RAPGEF6: variants seen among roughly 807,000 people sequenced by gnomAD.
The protein encoded by RAPGEF6 is PDZ domain containing guanine nucleotide exchange factor (GEF) 2.
A neutral mutation model predicts 171.4 loss-of-function variants in RAPGEF6; 56 were observed. That is an observed-to-expected ratio of 0.33 (90% CI 0.26 to 0.41). RAPGEF6 has a LOEUF of 0.41. Ranked by LOEUF, RAPGEF6 falls within the 10% of genes least tolerant of loss-of-function variation. RAPGEF6 has a pLI of 1.00. For synonymous variants in RAPGEF6, 692 were observed against 650.1 expected, an observed-to-expected ratio of 1.06 and a Z score of -0.98; for missense variants, 1,674 against 1,921.4, an observed-to-expected ratio of 0.87 and a Z score of 2.41.
At chr5:131,542,114 G>C (rs1391730186) in intron 6 of RAPGEF6, among the ~76,000 whole-genome samples, 1 of 152,146 alleles carries the variant, frequency 6.6e-6, no homozygotes, top group Non-Finnish European at 1.5e-5. Flanking sequence ...CTAACTTCAA[G>C]CTAACTTGGT....
At chr5:131,494,081 G>A (rs1319713735) in intron 13 of RAPGEF6, among the ~76,000 whole-genome samples, 2 of 152,152 alleles carry the variant, frequency 1.3e-5, no homozygotes, top group African/African-American at 2.4e-5. Context: ...TATGTCACAG[G>A]TTTTGTGTAC....
chr5:131,460,942 A>C (rs1382901468), intron 19 of RAPGEF6, among the ~76,000 whole-genome samples: 1 of 152,224 alleles, frequency 6.6e-6, no homozygotes, highest in Non-Finnish European at 1.5e-5. Flanking sequence ...GCGATTTATA[A>C]GCACATCATG....
At chr5:131,542,588 C>T (rs535853334) in intron 6 of RAPGEF6, among the ~76,000 whole-genome samples, 28 of 152,126 alleles carry the variant, frequency 1.8e-4, no homozygotes, top group Non-Finnish European at 3.2e-4. Flanking sequence ...TAAACAATTA[C>T]ACTGCAATAT....
chr5:131,452,569 T>C (rs889160749), intron 21 of RAPGEF6, among the ~76,000 whole-genome samples: 2 of 151,004 alleles, frequency 1.3e-5, no homozygotes, highest in South Asian at 4.2e-4. Flanking sequence ...CTTTACAAAT[T>C]AGCTTAGAAA....
At chr5:131,580,471 G>T (rs1390352436) in intron 4 of RAPGEF6, among the ~76,000 whole-genome samples, 1 of 152,114 alleles carries the variant, frequency 6.6e-6, no homozygotes, top group African/African-American at 2.4e-5. Context: ...CCAGCCCTGA[G>T]AGGGGCTCCC....
intron 6 of RAPGEF6, among the ~76,000 whole-genome samples, chr5:131,525,508 T>G (rs1457671046): frequency 6.6e-6 from 1 of 152,116 alleles, no homozygotes; most frequent in Non-Finnish European, 1.5e-5. Flanking sequence ...TAAGTTAAAG[T>G]CATGCTTAGA....
rs935799961 is a variant in RAPGEF6, at chr5:131,516,221, G to A, written c.627+5169C>T. Among the ~76,000 whole-genome samples the A allele has an allele frequency of 2.6e-5, 4 of 151,802 alleles. No homozygotes were observed. The East Asian group carries it at 7.8e-4, about 29-fold the overall frequency. On this transcript the variant is annotated intron_variant, in intron 7 of 27. Transcript: ENST00000509018. ...TCTTGCCTCAGCCTCCTGAGTAGCTGGTGCATGCGCCACCGCACGTGGCTA... is the reference window on the plus strand; with the variant it reads ...TCTTGCCTCAGCCTCCTGAGTAGCTAGTGCATGCGCCACCGCACGTGGCTA...
chr5:131,432,245 C>T (rs576178988), intron 25 of RAPGEF6, among the ~76,000 whole-genome samples: 1 of 152,160 alleles, frequency 6.6e-6, no homozygotes, highest in East Asian at 1.9e-4. Context: ...AGTTTGTAAA[C>T]CCCTCATTTA....
intron 16 of RAPGEF6, among the ~76,000 whole-genome samples, chr5:131,474,660 G>C (rs1561492909): frequency 6.6e-6 from 1 of 152,106 alleles, no homozygotes; most frequent in African/African-American, 2.4e-5. Flanking sequence ...ACTCTAAATT[G>C]ACTCCTTATA....
At chr5:131,489,413 AAGATTCTG>A in intron 15 of RAPGEF6, 125 bp downstream of exon 15, 1 of 624,682 alleles carries the variant, frequency 1.6e-6, no homozygotes, top group Non-Finnish European at 2.8e-6. Context: ...TTCAAAACTA[AAGATTCTG>A]AAACTAGCTG....
intron 4 of RAPGEF6, among the ~76,000 whole-genome samples, chr5:131,569,140 G>C (rs1344497922): frequency 1.7e-4 from 26 of 152,172 alleles, no homozygotes; most frequent in Admixed American, 1.7e-3. Context: ...AGTTAAGACT[G>C]CAATTCTCCC....
At chr5:131,581,854 C>G (rs1762983197) in intron 4 of RAPGEF6, among the ~76,000 whole-genome samples, 1 of 151,922 alleles carries the variant, frequency 6.6e-6, no homozygotes, top group Non-Finnish European at 1.5e-5. Flanking sequence ...TACTTTGTAA[C>G]ATTCCTCCCC....
At chr5:131,601,980 A>C (rs1307934902) in intron 3 of RAPGEF6, among the ~76,000 whole-genome samples, 2 of 149,860 alleles carry the variant, frequency 1.3e-5, no homozygotes, top group Non-Finnish European at 3.0e-5. Context: ...GCTTGCAGTG[A>C]GCTGAGATTG....
intron 4 of RAPGEF6, among the ~76,000 whole-genome samples, chr5:131,578,740 T>C (rs752449935): frequency 6.6e-6 from 1 of 152,214 alleles, no homozygotes; most frequent in Admixed American, 6.5e-5. Context: ...AACAAACAGA[T>C]GGGAGCATTC....
At chr5:131,451,423 G>GAA (rs202198403) in intron 21 of RAPGEF6, among the ~76,000 whole-genome samples, 111 of 136,816 alleles carry the variant, frequency 8.1e-4, no homozygotes, top group South Asian at 6.8e-3. Context: ...ATCTCTACTG[G>GAA]AAAAAAAAAA....
At chr5:131,573,226 C>G (rs2149982066) in intron 4 of RAPGEF6, among the ~76,000 whole-genome samples, 1 of 152,270 alleles carries the variant, frequency 6.6e-6, no homozygotes. Flanking sequence ...TACCTCCCCT[C>G]CTCACACCTG....
At chr5:131,558,609 CACA>C (rs768676312) in intron 5 of RAPGEF6, among the ~76,000 whole-genome samples, 17 of 152,086 alleles carry the variant, frequency 1.1e-4, no homozygotes, top group Admixed American at 4.6e-4. Flanking sequence ...GCTTAAATTT[CACA>C]ACAAGAAAGG....
At chr5:131,596,026 C>A (rs1178102756) in intron 3 of RAPGEF6, among the ~76,000 whole-genome samples, 1 of 151,822 alleles carries the variant, frequency 6.6e-6, no homozygotes, top group Non-Finnish European at 1.5e-5. Context: ...TGGTGGTACG[C>A]GCCTGTAATA....
At chr5:131,427,723 G>A (rs1244642299) in intron 27 of RAPGEF6, among the ~76,000 whole-genome samples, 1 of 152,164 alleles carries the variant, frequency 6.6e-6, no homozygotes, top group East Asian at 1.9e-4. Flanking sequence ...ATTAGATTGA[G>A]CCACTGTTTC....
Sources: allele counts gnomAD v4.1 joint callset (sites outside exome capture counted in the v4.1 genomes callset), GRCh38; gene constraint gnomAD v4.1.1; transcripts MANE v1.5; gene names NCBI Gene and HGNC (gene_info 2026-07-23, HGNC 2026-07-21).